PLEKHM3: variants seen among roughly 807,000 people sequenced by gnomAD.
PLEKHM3 encodes the protein pleckstrin homology domain-containing family M member 3.
In PLEKHM3, 45 loss-of-function variants were observed where a neutral mutation model predicts 81.8. That is an observed-to-expected ratio of 0.55 (90% CI 0.43 to 0.71). PLEKHM3 has a LOEUF of 0.71. PLEKHM3 is among the 30% of genes least tolerant of loss of function. The probability of loss-of-function intolerance (pLI) is 0.00; values close to 1 mark genes in which losing one functional copy is unlikely to be tolerated. For synonymous variants in PLEKHM3, 352 were observed against 356.4 expected (o/e 0.99, Z 0.14); for missense variants, 788 against 924.3 (o/e 0.85, Z 1.91).
Position 207,853,681 on chromosome 2 carries a change from C to T in PLEKHM3, c.2108+7424G>A, listed in dbSNP as rs573254251. Among the ~76,000 whole-genome samples the T allele has an allele frequency of 6.5e-3, 985 of 152,178 alleles. 5 individuals are homozygous for T. Among genetic ancestry groups the T allele is most frequent in the Non-Finnish European group, 9.9e-3 (673 of 67,984 alleles). On this transcript the variant is annotated intron_variant, in intron 7 of 7. Transcript: ENST00000427836. ...CCCAGGAGGTGGAGGTTGCAGTGAG[C>T]CGAGATCATGCCACTGCACTCCAGC...
chr2:207,830,482 G>C (rs1418810482), intron 7 of PLEKHM3, among the ~76,000 whole-genome samples: 4 of 151,750 alleles, frequency 2.6e-5, no homozygotes, highest in Non-Finnish European at 5.9e-5. Context: ...GCGTGGTGAC[G>C]CATGCCTGTA....
At chr2:207,978,919 G>C (rs1321067934) in intron 2 of PLEKHM3, among the ~76,000 whole-genome samples, 2 of 151,936 alleles carry the variant, frequency 1.3e-5, no homozygotes, top group Non-Finnish European at 2.9e-5. Context: ...TTTTTTTTAA[G>C]GCTGTCTTTC....
chr2:207,882,596 G>C (rs1191855772), intron 6 of PLEKHM3, among the ~76,000 whole-genome samples: 1 of 111,214 alleles, frequency 9.0e-6, no homozygotes, highest in Non-Finnish European at 1.7e-5. Flanking sequence ...TGGGCGACAA[G>C]AGCAAAACTC....
chr2:207,968,312 T>C (rs1425524264), intron 3 of PLEKHM3, among the ~76,000 whole-genome samples: 1 of 151,980 alleles, frequency 6.6e-6, no homozygotes, highest in African/African-American at 2.4e-5. Context: ...CTTTGATAGA[T>C]GGTAGCAAAA....
At chr2:207,836,758 T>C (rs1182134638) in intron 7 of PLEKHM3, among the ~76,000 whole-genome samples, 1 of 152,202 alleles carries the variant, frequency 6.6e-6, no homozygotes, top group Non-Finnish European at 1.5e-5. Context: ...GCTTCTGCTG[T>C]GTTCATGTTG....
At chr2:207,941,122 A>G (rs962422636) in intron 4 of PLEKHM3, among the ~76,000 whole-genome samples, 2 of 152,156 alleles carry the variant, frequency 1.3e-5, no homozygotes, top group Non-Finnish European at 2.9e-5. Flanking sequence ...CCAATTGACC[A>G]CTCACAATTT....
chr2:207,977,158 G>A lies in PLEKHM3; in HGVS notation c.1039C>T (p.Leu347=), dbSNP rs774410299. 4 of 1,614,086 alleles carry A rather than the reference G, an allele frequency of 2.5e-6. No homozygotes were observed. The East Asian group carries it at 6.7e-5, about 27-fold the overall frequency. The stretch of plus-strand genomic sequence containing the variant: ...CTGTCCAGGACAGGGGACGGTGGCA[G>A]CAGCCCACTGGTTTTCTTCTGGAAA... The part of the protein sequence containing the change: ...HSFQKKTSGL[L]PPSPVLDSSK... The change falls in exon 3 of 8, where the codon CTG becomes TTG. Residue 347 remains leucine (L), a synonymous_variant. Coordinates refer to ENST00000427836, the MANE Select transcript of PLEKHM3 (RefSeq NM_001080475.3).
intron 2 of PLEKHM3, among the ~76,000 whole-genome samples, chr2:207,998,726 C>T (rs934596587): frequency 7.9e-5 from 12 of 152,152 alleles, no homozygotes; most frequent in African/African-American, 2.9e-4. Flanking sequence ...TTTACAGAGC[C>T]TAATGAAGGC....
At chr2:207,841,934 CTTTATT>C (rs1170710719) in intron 7 of PLEKHM3, among the ~76,000 whole-genome samples, 2 of 152,106 alleles carry the variant, frequency 1.3e-5, no homozygotes, top group East Asian at 1.9e-4. Flanking sequence ...CTGCCCCGAT[CTTTATT>C]TTTATTTTTA....
chr2:207,942,677 G>T (rs1409083213), intron 4 of PLEKHM3, among the ~76,000 whole-genome samples: 1 of 152,088 alleles, frequency 6.6e-6, no homozygotes, highest in Non-Finnish European at 1.5e-5. Context: ...GAGGAGGGTG[G>T]ATCACAAGGT....
At position 207,873,871 on chromosome 2, in the gene PLEKHM3, A is replaced by C. The variant is rs556476810; in HGVS notation, c.1951-12609T>G. On this transcript the variant is annotated intron_variant, in intron 6 of 7. Transcript: ENST00000427836. ...ATTCCTGAGATTAAATGAGAAACTAAAGTGAGTCCCTGGTTAGAAGGTTGT... is the reference window on the plus strand; with the variant it reads ...ATTCCTGAGATTAAATGAGAAACTACAGTGAGTCCCTGGTTAGAAGGTTGT... 1.9e-3 allele frequency among the ~76,000 whole-genome samples: 289 copies of C among 152,332 alleles called. 1 individual carries two copies. The highest frequency in any genetic ancestry group is 6.6e-3 in the African/African-American group (273 of 41,572).
intron 3 of PLEKHM3, among the ~76,000 whole-genome samples, chr2:207,973,350 C>T (rs1328594956): frequency 6.6e-6 from 1 of 152,220 alleles, no homozygotes; most frequent in Non-Finnish European, 1.5e-5. Context: ...ATTTAAAAAA[C>T]ATTCAGAAGT....
intron 5 of PLEKHM3, among the ~76,000 whole-genome samples, chr2:207,925,580 ATGAGCTC>A (rs1689366715): frequency 6.6e-6 from 1 of 152,226 alleles, no homozygotes; most frequent in Non-Finnish European, 1.5e-5. Context: ...AGAGACAGAA[ATGAGCTC>A]TGAGCTCAGG....
intron 7 of PLEKHM3, among the ~76,000 whole-genome samples, chr2:207,835,159 A>G (rs896591814): frequency 7.3e-5 from 11 of 151,504 alleles, no homozygotes; most frequent in East Asian, 2.0e-4. Flanking sequence ...TGGCCAGGCT[A>G]GTCTCGAACT....
At chr2:207,924,783 T>C (rs562234766) in intron 5 of PLEKHM3, among the ~76,000 whole-genome samples, 14 of 152,270 alleles carry the variant, frequency 9.2e-5, no homozygotes, top group Non-Finnish European at 1.5e-4. Flanking sequence ...AGTTGCCCCA[T>C]TGGCTCCTGT....
At chr2:207,967,994 G>A (rs1221257850) in intron 3 of PLEKHM3, among the ~76,000 whole-genome samples, 1 of 151,842 alleles carries the variant, frequency 6.6e-6, no homozygotes, top group Non-Finnish European at 1.5e-5. Flanking sequence ...AGACTGAGAG[G>A]GAACCATTAG....
intron 5 of PLEKHM3, among the ~76,000 whole-genome samples, chr2:207,909,751 A>G (rs1381828229): frequency 6.6e-6 from 1 of 152,212 alleles, no homozygotes; most frequent in African/African-American, 2.4e-5. Flanking sequence ...AAAGAAAACA[A>G]AACAAAAACT....
intron 4 of PLEKHM3, among the ~76,000 whole-genome samples, chr2:207,935,381 C>A (rs568256784): frequency 6.6e-6 from 1 of 152,076 alleles, no homozygotes; most frequent in Non-Finnish European, 1.5e-5. Flanking sequence ...GAGATAAGAT[C>A]CAGCCCGGAC....
chr2:207,951,336 A>G (rs548744896), intron 3 of PLEKHM3, among the ~76,000 whole-genome samples: 1 of 152,368 alleles, frequency 6.6e-6, no homozygotes, highest in Admixed American at 6.5e-5. Flanking sequence ...GGGCTTATTT[A>G]CATATTATAT....
Sources: allele counts gnomAD v4.1 joint callset (sites outside exome capture counted in the v4.1 genomes callset), GRCh38; gene constraint gnomAD v4.1.1; transcripts MANE v1.5; gene names NCBI Gene and HGNC (gene_info 2026-07-23, HGNC 2026-07-21).